The following SLC7A2 variants were observed in gnomAD, a reference collection of about 807,000 sequenced individuals.
The protein encoded by SLC7A2 is cationic amino acid transporter 2.
SLC7A2 carries 48 observed loss-of-function variants against 58.9 expected under a neutral mutation model. That is an observed-to-expected ratio of 0.82 (90% CI 0.65 to 1.04). The LOEUF (loss-of-function observed/expected upper bound fraction) is 1.04. SLC7A2 is among the 50% of genes least tolerant of loss of function. The pLI, the probability that SLC7A2 is intolerant of heterozygous loss-of-function variation, is 0.00. For missense variants in SLC7A2, 1,029 were observed against 818.8 expected (o/e 1.26, Z -3.13); for synonymous variants, 363 against 314.5 (o/e 1.15, Z -1.63).
intron 9 of SLC7A2, among the ~76,000 whole-genome samples, 154 bp downstream of exon 9, chr8:17,558,551 C>T (rs1167228081): frequency 3.3e-5 from 5 of 152,266 alleles, no homozygotes; most frequent in African/African-American, 4.8e-5. Flanking sequence ...GTGGAAGAAG[C>T]GTATCTGGTC....
intron 2 of SLC7A2, among the ~76,000 whole-genome samples, chr8:17,528,920 C>G (rs192443900): frequency 1.3e-5 from 2 of 152,028 alleles, no homozygotes; most frequent in Non-Finnish European, 2.9e-5. Context: ...TCGGGGCTCT[C>G]GGGGCCCATA....
upstream of SLC7A2, among the ~76,000 whole-genome samples, chr8:17,496,804 A>G (rs1168046880): frequency 6.6e-6 from 1 of 152,144 alleles, no homozygotes; most frequent in East Asian, 1.9e-4. Flanking sequence ...TGGTCCTCCC[A>G]GGAGAGCACG....
Position 17,558,521 on chromosome 8 carries a change from T to G in SLC7A2, c.1298+124T>G, listed in dbSNP as rs938083533. Reference sequence around the variant, plus strand: ...TCTCACCAAGGTGAGAGGTCACATCTAACAAAATAGCAATGAAAAGTGGAA... The same window carrying G: ...TCTCACCAAGGTGAGAGGTCACATCGAACAAAATAGCAATGAAAAGTGGAA... On this transcript the variant is annotated intron_variant, in intron 9 of 12. Transcript: ENST00000494857. 1.3e-5 allele frequency: 7 copies of G among 550,886 alleles called. No homozygotes were observed. The African/African-American group carries it at 1.3e-4, about 10-fold the overall frequency. 34.1% of individuals were successfully genotyped at this position (550,886 alleles called of 1,614,324 possible). A position where few individuals can be genotyped will look rare whatever the true frequency, so the allele number is the denominator to read the frequency against.
chr8:17,515,532 G>T (rs923083635), intron 2 of SLC7A2, among the ~76,000 whole-genome samples: 2 of 152,096 alleles, frequency 1.3e-5, no homozygotes, highest in Non-Finnish European at 2.9e-5. Context: ...CTGACCTCGT[G>T]ATCTGCCTGC....
intron 2 of SLC7A2, among the ~76,000 whole-genome samples, chr8:17,524,317 T>C (rs1179377531): frequency 1.3e-5 from 2 of 151,952 alleles, no homozygotes; most frequent in African/African-American, 4.8e-5. Context: ...ATGTTTATAG[T>C]AGCACAATTT....
intron 10 of SLC7A2, among the ~76,000 whole-genome samples, chr8:17,561,536 A>G (rs568578239): frequency 6.6e-6 from 1 of 152,330 alleles, no homozygotes; most frequent in South Asian, 2.1e-4. Flanking sequence ...GTGGGGACAC[A>G]GCCAACTCAT....
chr8:17,544,955 G>T (rs1328438571), intron 4 of SLC7A2, among the ~76,000 whole-genome samples: 1 of 152,170 alleles, frequency 6.6e-6, no homozygotes, highest in Non-Finnish European at 1.5e-5. Context: ...ATTTCATCTT[G>T]CTAGATACAA....
At position 17,506,245 on chromosome 8, in the gene SLC7A2, C is replaced by G. The variant is rs201570061; in HGVS notation, c.-23+3943C>G. On this transcript the variant is annotated intron_variant, in intron 2 of 12. Transcript: ENST00000494857. ...AGTACTAGAGCTGTGAAAACAAGTG[C>G]TGGGCTGGTGCCTGCTTTAAACTCT... 4.9e-4 allele frequency among the ~76,000 whole-genome samples: 74 copies of G among 152,284 alleles called. No individual in the cohort carries two copies. In the East Asian group the frequency reaches 0.011, roughly 22 times the overall value.
In SLC7A2 at chr8:17,560,433, G is replaced by A. The variant is rs144878731; in HGVS notation, c.1404G>A (p.Met468Ile). The A allele has an allele frequency of 1.2e-6, 2 of 1,614,126 alleles. No homozygotes were observed. Among genetic ancestry groups the A allele is most frequent in the Admixed American group, 3.3e-5 (2 of 60,014 alleles). ...VTSKSESQVTMLQRQGFSMRT... is the reference protein window; with the variant it reads ...VTSKSESQVTILQRQGFSMRT... ...CGAAGAGTGAGTCCCAGGTCACCAT[G>A]CTGCAGAGACAGGGCTTCAGCATGC... The change falls in exon 10 of 13, where the codon ATG becomes ATA. Residue 468 changes from methionine to isoleucine, a missense_variant. Coordinates refer to ENST00000494857, the MANE Select transcript of SLC7A2 (RefSeq NM_001370338.1).
At chr8:17,542,015 A>T (rs1298308150) in intron 2 of SLC7A2, among the ~76,000 whole-genome samples, 1 of 152,166 alleles carries the variant, frequency 6.6e-6, no homozygotes, top group African/African-American at 2.4e-5. Context: ...AATATTTGGC[A>T]TGGACTTTGG....
chr8:17,525,326 A>G (rs1165877920), intron 2 of SLC7A2, among the ~76,000 whole-genome samples: 1 of 152,222 alleles, frequency 6.6e-6, no homozygotes, highest in Non-Finnish European at 1.5e-5. Flanking sequence ...TAACCATTTC[A>G]CTATGTATAT....
intron 8 of SLC7A2, chr8:17,555,120 T>G (rs1585259656): frequency 2.5e-6 from 4 of 1,603,034 alleles, no homozygotes; most frequent in Non-Finnish European, 3.4e-6. Flanking sequence ...AGCATTAGAC[T>G]GGAACATTTA....
At chr8:17,559,915 A>T (rs1425797601) in intron 9 of SLC7A2, among the ~76,000 whole-genome samples, 2 of 152,192 alleles carry the variant, frequency 1.3e-5, no homozygotes, top group Non-Finnish European at 2.9e-5. Context: ...AGAAAGACAG[A>T]TTGTGATGAG....
intron 2 of SLC7A2, among the ~76,000 whole-genome samples, chr8:17,509,756 A>AATTATTT (rs1800525201): frequency 6.6e-6 from 1 of 152,188 alleles, no homozygotes; most frequent in East Asian, 1.9e-4. Flanking sequence ...TTTCACTAAA[A>AATTATTT]CAGCTACTGA....
chr8:17,532,025 C>G (rs888717894), intron 2 of SLC7A2, among the ~76,000 whole-genome samples: 10 of 151,660 alleles, frequency 6.6e-5, no homozygotes, highest in Non-Finnish European at 1.5e-4. Flanking sequence ...GTCAGGAGTT[C>G]GAGACCAGCC....
At chr8:17,539,002 G>A (rs1801795569) in intron 2 of SLC7A2, 1 of 1,299,212 alleles carries the variant, frequency 7.7e-7, no homozygotes. Flanking sequence ...GGGGAGGAAG[G>A]GAAAGATTCA....
In SLC7A2 at chr8:17,564,974, G is replaced by C; in HGVS notation, c.1805G>C (p.Gly602Ala). 6.2e-7 allele frequency: 1 copy of C among 1,606,526 alleles called. No homozygotes were observed. The highest frequency in any genetic ancestry group is 8.5e-7 in the Non-Finnish European group (1 of 1,177,302). The change falls in exon 13 of 13, where the codon GGC becomes GCC. Residue 602 changes from glycine to alanine, a missense_variant. By Grantham distance (60) the Gly-to-Ala change is moderately conservative (BLOSUM62 0). Transcript: ENST00000494857. ...GGCTTCCTGATTTACTTTTCTTATG[G>C]CATTAGACACAGCCTGGAGGGTCAT... ...AIGFLIYFSYGIRHSLEGHLR... is the reference protein window; with the variant it reads ...AIGFLIYFSYAIRHSLEGHLR...
chr8:17,526,840 A>G (rs1801240530), intron 2 of SLC7A2, among the ~76,000 whole-genome samples: 1 of 152,330 alleles, frequency 6.6e-6, no homozygotes, highest in Non-Finnish European at 1.5e-5. Flanking sequence ...CTCCACGATT[A>G]TTACACTGGC....
intron 2 of SLC7A2, among the ~76,000 whole-genome samples, chr8:17,535,675 G>A (rs1429823840): frequency 6.6e-6 from 1 of 152,182 alleles, no homozygotes; most frequent in African/African-American, 2.4e-5. Context: ...AGCCAAGACA[G>A]GCGGATCACT....
Sources: allele counts gnomAD v4.1 joint callset (sites outside exome capture counted in the v4.1 genomes callset), GRCh38; gene constraint gnomAD v4.1.1; transcripts MANE v1.5; gene names NCBI Gene and HGNC (gene_info 2026-07-23, HGNC 2026-07-21).